RASEF: variants seen among roughly 807,000 people sequenced by gnomAD.
RASEF encodes the protein ras and EF-hand domain-containing protein.
Under a neutral mutation model 90.1 loss-of-function variants are expected in RASEF, and 68 were observed. The ratio of observed to expected loss-of-function variants is 0.75; its 90% CI spans 0.62 to 0.92. The LOEUF is 0.92. RASEF is among the 40% of genes least tolerant of loss of function. RASEF has a pLI of 0.00. For missense variants in RASEF, 949 were observed against 937.2 expected, an observed-to-expected ratio of 1.01 and a Z score of -0.16; for synonymous variants, 331 against 345.2, an observed-to-expected ratio of 0.96 and a Z score of 0.46.
At chr9:83,173,880 A>G in the RASEF span, among the ~76,000 whole-genome samples, 2 of 151,850 alleles carry the variant, frequency 1.3e-5, no homozygotes, top group African/African-American at 2.4e-5. Context: ...CCAATTCTTT[A>G]GAGGGCTGAT....
chr9:83,209,475 T>C, the RASEF span, among the ~76,000 whole-genome samples: 2 of 152,226 alleles, frequency 1.3e-5, no homozygotes, highest in Non-Finnish European at 2.9e-5. Context: ...CAACAGCATG[T>C]GTGAAGGCTT....
At chr9:83,111,144 G>A in the RASEF span, among the ~76,000 whole-genome samples, 1 of 151,962 alleles carries the variant, frequency 6.6e-6, no homozygotes, top group Non-Finnish European at 1.5e-5. Flanking sequence ...AGATTTAGGG[G>A]GCAAAAAGAA....
At position 83,062,535 on chromosome 9, in the gene RASEF, C is replaced by T; in HGVS notation, c.333G>A (p.Ala111=). The T allele has an allele frequency of 6.2e-7, 1 of 1,607,586 alleles. No homozygotes were observed. The highest frequency in any genetic ancestry group is 1.1e-5 in the South Asian group (1 of 90,508). ...DSEEDEGDED[A]AAALATSCGP... is the part of the protein sequence containing the mutation. Reference sequence around the variant, plus strand: ...CGCACGAGGTGGCCAGCGCCGCCGCCGCGTCCTCGTCGCCTTCGTCCTCCT... The same window carrying T: ...CGCACGAGGTGGCCAGCGCCGCCGCTGCGTCCTCGTCGCCTTCGTCCTCCT... The change falls in exon 1 of 17, where the codon GCG becomes GCA. Residue 111 remains alanine (A), a synonymous_variant. Coordinates refer to ENST00000376447, the MANE Select transcript of RASEF (RefSeq NM_152573.4).
the RASEF span, among the ~76,000 whole-genome samples, chr9:83,091,741 C>T: frequency 6.6e-6 from 1 of 152,078 alleles, no homozygotes; most frequent in Admixed American, 6.6e-5. Context: ...TAGCTCTACT[C>T]AGTTTGAGTG....
chr9:83,054,973 C>T (rs1486718379), intron 1 of RASEF: 1 of 145,508 alleles, frequency 6.9e-6, no homozygotes, highest in Non-Finnish European at 1.5e-5. Context: ...ACACTTAAGT[C>T]TGCAGAGGTT....
chr9:83,216,375 G>C, the RASEF span, among the ~76,000 whole-genome samples: 1 of 152,162 alleles, frequency 6.6e-6, no homozygotes, highest in African/African-American at 2.4e-5. Flanking sequence ...GTGTAGCCTA[G>C]GGACTTGGTG....
chr9:83,218,312 T>G, the RASEF span, among the ~76,000 whole-genome samples: 1 of 152,172 alleles, frequency 6.6e-6, no homozygotes, highest in South Asian at 2.1e-4. Context: ...GTAACTCTTT[T>G]GGGTTACTGT....
the RASEF span, among the ~76,000 whole-genome samples, chr9:83,112,183 A>G: frequency 6.6e-6 from 1 of 152,160 alleles, no homozygotes; most frequent in South Asian, 2.1e-4. Context: ...TCATATTGAC[A>G]CTTTCACATT....
the RASEF span, among the ~76,000 whole-genome samples, chr9:83,212,789 T>C: frequency 3.1e-4 from 47 of 152,116 alleles, no homozygotes; most frequent in East Asian, 1.3e-3. Flanking sequence ...ACCCCAAAGA[T>C]TGTAGCAGGC....
chr9:83,020,862 A>G (rs1829431574), intron 3 of RASEF, among the ~76,000 whole-genome samples: 1 of 152,140 alleles, frequency 6.6e-6, no homozygotes, highest in Admixed American at 6.5e-5. Flanking sequence ...CAGCAGATGG[A>G]GAGAAAAAAA....
Position 82,982,277 on chromosome 9 carries a change from G to C in RASEF, c.*400C>G, listed in dbSNP as rs6559691. ...CTAGGATGAGAATCCCTTCTTACTA[G>C]AACTTTAGTATCAAATATTTAAATG... is the stretch of plus-strand genomic sequence containing the variant. On this transcript the variant is annotated 3_prime_UTR_variant, in exon 17 of 17. Transcript: ENST00000376447. 0.053 allele frequency: 8,468 copies of C among 159,626 alleles called. 332 individuals are homozygous for C. Among genetic ancestry groups the C allele is most frequent in the African/African-American group, 0.11 (4,573 of 41,614 alleles). The allele number at this position is 159,626 out of a possible 1,614,324, so 9.9% of individuals were successfully genotyped here. A position where few individuals can be genotyped will look rare whatever the true frequency, so the allele number is the denominator to read the frequency against.
At chr9:83,158,871 A>G in the RASEF span, among the ~76,000 whole-genome samples, 1 of 151,724 alleles carries the variant, frequency 6.6e-6, no homozygotes, top group Admixed American at 6.6e-5. Flanking sequence ...ATAAATTACA[A>G]AGTTATGCTT....
the RASEF span, among the ~76,000 whole-genome samples, chr9:83,087,982 A>G: frequency 5.3e-5 from 8 of 152,022 alleles, no homozygotes; most frequent in Non-Finnish European, 7.4e-5. Context: ...TCTGATTTCC[A>G]TTGTGATTTC....
chr9:82,995,889 A>G (rs1828908916), intron 14 of RASEF, among the ~76,000 whole-genome samples: 1 of 152,210 alleles, frequency 6.6e-6, no homozygotes, highest in African/African-American at 2.4e-5. Flanking sequence ...TATGCTTTCT[A>G]TGCCTCAAGT....
the RASEF span, among the ~76,000 whole-genome samples, chr9:83,179,072 C>T: frequency 0.016 from 2,475 of 152,260 alleles, 34 homozygotes; most frequent in Non-Finnish European, 0.026. Context: ...GACATAACAA[C>T]CATGATCATG....
intron 4 of RASEF, among the ~76,000 whole-genome samples, chr9:83,013,352 T>C (rs865883914): frequency 5.9e-5 from 9 of 152,226 alleles, no homozygotes; most frequent in Non-Finnish European, 5.9e-5. Context: ...AGTGCTTTGA[T>C]TCTGGACCTT....
the RASEF span, among the ~76,000 whole-genome samples, chr9:83,096,780 C>A: frequency 2.6e-5 from 4 of 151,984 alleles, no homozygotes; most frequent in South Asian, 2.1e-4. Flanking sequence ...ATCCCTCCCC[C>A]CTCCACCCAC....
the RASEF span, among the ~76,000 whole-genome samples, chr9:83,196,659 A>T: frequency 1.3e-5 from 2 of 152,190 alleles, no homozygotes; most frequent in Non-Finnish European, 1.5e-5. Flanking sequence ...CCATAACCAC[A>T]GCTGTGCTGC....
the RASEF span, among the ~76,000 whole-genome samples, chr9:83,090,243 G>C: frequency 6.6e-6 from 1 of 151,884 alleles, no homozygotes; most frequent in South Asian, 2.1e-4. Flanking sequence ...ATTATTATCA[G>C]ATTTTTCTTT....
Sources: allele counts gnomAD v4.1 joint callset (sites outside exome capture counted in the v4.1 genomes callset), GRCh38; gene constraint gnomAD v4.1.1; transcripts MANE v1.5; gene names NCBI Gene and HGNC (gene_info 2026-07-23, HGNC 2026-07-21).